PHF20: variants seen among roughly 807,000 people sequenced by gnomAD.
PHF20 encodes the protein PHD finger protein 20.
In PHF20, 23 loss-of-function variants were observed where a neutral mutation model predicts 113.5. The ratio of observed to expected loss-of-function variants is 0.20; its 90% CI spans 0.15 to 0.29. The LOEUF (loss-of-function observed/expected upper bound fraction) is 0.29. Among genes scored for constraint, PHF20 ranks in the 10% least tolerant of loss-of-function variants. PHF20 has a pLI of 1.00. For missense variants in PHF20, 943 were observed against 1,219.6 expected (o/e 0.77, Z 3.38); for synonymous variants, 434 against 457.3 (o/e 0.95, Z 0.65).
chr20:35,775,265 A>T (rs1378516078), intron 1 of PHF20, among the ~76,000 whole-genome samples: 1 of 152,098 alleles, frequency 6.6e-6, no homozygotes, highest in East Asian at 1.9e-4. Context: ...TGCTGATGTT[A>T]CTGAACTACA....
intron 2 of PHF20, among the ~76,000 whole-genome samples, chr20:35,812,015 C>T (rs1393658930): frequency 6.6e-6 from 1 of 151,908 alleles, no homozygotes; most frequent in Non-Finnish European, 1.5e-5. Flanking sequence ...CCTCGTGATC[C>T]ACCCGCCTCA....
chr20:35,779,016 GT>G lies in PHF20; in HGVS notation c.-33+6946del, dbSNP rs201029674. On this transcript the variant is annotated intron_variant, in intron 1 of 17. Coordinates refer to ENST00000374012, the MANE Select transcript of PHF20 (RefSeq NM_016436.5). ...GAGGGGCTTGGGATTTAAACAAAGGGTTTTTTTTTGTTTTGTTTTGTTTTTT... is the reference window on the plus strand; with the variant it reads ...GAGGGGCTTGGGATTTAAACAAAGGGTTTTTTTTGTTTTGTTTTGTTTTTT... Among the ~76,000 whole-genome samples, 207 of 150,576 alleles carry G rather than the reference GT, an allele frequency of 1.4e-3. 2 individuals are homozygous for G. Among genetic ancestry groups the G allele is most frequent in the South Asian group, 3.0e-3 (14 of 4,738 alleles).
intron 1 of PHF20, among the ~76,000 whole-genome samples, chr20:35,799,734 C>A (rs1276110782): frequency 6.6e-6 from 1 of 151,774 alleles, no homozygotes; most frequent in Admixed American, 6.6e-5. Flanking sequence ...GTGGCGTGAT[C>A]TCGGCTCACT....
intron 9 of PHF20, among the ~76,000 whole-genome samples, chr20:35,896,799 CAAAAAAAAAAAA>C (rs34377497): frequency 3.2e-5 from 2 of 62,472 alleles, no homozygotes; most frequent in African/African-American, 5.9e-5. Context: ...GACTCCGTCT[CAAAAAAAAAAAA>C]AAAAAAAAGT....
At chr20:35,881,061 T>TC (rs1568698622) in intron 9 of PHF20, among the ~76,000 whole-genome samples, 13 of 144,032 alleles carry the variant, frequency 9.0e-5, no homozygotes, top group African/African-American at 3.2e-4. Context: ...TTTTTTTTTT[T>TC]TTTTTTTTTC....
chr20:35,790,900 C>T (rs576138859), intron 1 of PHF20, among the ~76,000 whole-genome samples: 1 of 152,174 alleles, frequency 6.6e-6, no homozygotes, highest in East Asian at 1.9e-4. Flanking sequence ...GCTCTGTTGC[C>T]CAGGCTGGAC....
At chr20:35,894,466 G>A (rs1043618582) in intron 9 of PHF20, among the ~76,000 whole-genome samples, 2 of 152,166 alleles carry the variant, frequency 1.3e-5, no homozygotes, top group African/African-American at 4.8e-5. Context: ...GGTAGACCTG[G>A]GATTAAATGT....
At chr20:35,808,637 A>AT (rs1269486706) in intron 2 of PHF20, among the ~76,000 whole-genome samples, 1 of 151,856 alleles carries the variant, frequency 6.6e-6, no homozygotes, top group Non-Finnish European at 1.5e-5. Context: ...GCAGTGGTGC[A>AT]TCTTGGCTCA....
chr20:35,866,207 C>T (rs1437648018), intron 6 of PHF20, among the ~76,000 whole-genome samples: 1 of 151,958 alleles, frequency 6.6e-6, no homozygotes, highest in East Asian at 1.9e-4. Flanking sequence ...GAGACTCCAT[C>T]TCAAAAAAAC....
chr20:35,819,462 T>C (rs1394809412), intron 2 of PHF20, among the ~76,000 whole-genome samples: 1 of 152,188 alleles, frequency 6.6e-6, no homozygotes, highest in Non-Finnish European at 1.5e-5. Context: ...CCTGACACTC[T>C]GGTACCTTTC....
At position 35,931,436 on chromosome 20, in the gene PHF20, C is replaced by T; in HGVS notation, c.2292C>T (p.Ser764=). The T allele has an allele frequency of 6.2e-7, 1 of 1,609,698 alleles. No individual in the cohort carries two copies. Among genetic ancestry groups the T allele is most frequent in the Non-Finnish European group, 8.5e-7 (1 of 1,177,088 alleles). ...TGCATGGCCTGCAGCTCAAGATGAG[C>T]ATCTTGCAGTAAGTGTGGCACCTGC... is the stretch of plus-strand genomic sequence containing the variant. ...EVLHGLQLKM[S]ILQSREHPDL... Residue 764 remains serine, a synonymous_variant, in exon 15 of 18, where the codon AGC becomes AGT. Coordinates refer to ENST00000374012, the MANE Select transcript of PHF20 (RefSeq NM_016436.5).
At chr20:35,773,208 GCTT>G (rs1454003134) in intron 1 of PHF20, among the ~76,000 whole-genome samples, 1 of 152,150 alleles carries the variant, frequency 6.6e-6, no homozygotes, top group Non-Finnish European at 1.5e-5. Context: ...CTTTCCAGAT[GCTT>G]CTTAAATTTG....
At position 35,939,085 on chromosome 20, in the gene PHF20, G is replaced by A. The variant is rs1291183247; in HGVS notation, c.2689G>A (p.Asp897Asn). The change falls in exon 16 of 18, where the codon GAC becomes AAC. Residue 897 changes from aspartate (D) to asparagine (N), a missense_variant. Asp to Asn is a conservative substitution (Grantham distance 23). This residue lies in a region of PHF20 where 349 missense variants were observed against 412.3 expected (regional missense o/e 0.85). Transcript: ENST00000374012. ...CCAAGACAGGAGCAAGGGGGACAGT[G>A]ACCCCAAACCCGGCTCCCCAAAGGT... ...LDQDRSKGDSDPKPGSPKVKE... is the reference protein window; with the variant it reads ...LDQDRSKGDSNPKPGSPKVKE... The A allele has an allele frequency of 2.5e-6, 4 of 1,610,384 alleles. No individual in the cohort carries two copies. Among genetic ancestry groups the A allele is most frequent in the South Asian group, 1.1e-5 (1 of 90,888 alleles).
At chr20:35,804,758 G>A (rs1197051454) in intron 2 of PHF20, among the ~76,000 whole-genome samples, 11 of 152,146 alleles carry the variant, frequency 7.2e-5, no homozygotes, top group Non-Finnish European at 1.3e-4. Context: ...AGTGCTGTGT[G>A]AATGTCTCTT....
intron 2 of PHF20, among the ~76,000 whole-genome samples, chr20:35,836,884 T>C (rs2042451515): frequency 1.3e-5 from 2 of 152,080 alleles, no homozygotes; most frequent in African/African-American, 4.8e-5. Flanking sequence ...AAGTATTTAT[T>C]TTTTGGCTGG....
At chr20:35,810,097 T>A (rs1034300479) in intron 2 of PHF20, among the ~76,000 whole-genome samples, 9 of 152,086 alleles carry the variant, frequency 5.9e-5, no homozygotes, top group Admixed American at 5.9e-4. Context: ...ACCCAGCTAA[T>A]TTTTGTATTT....
At chr20:35,911,285 G>A (rs922396222) in intron 10 of PHF20, among the ~76,000 whole-genome samples, 4 of 152,188 alleles carry the variant, frequency 2.6e-5, no homozygotes, top group South Asian at 2.1e-4. Flanking sequence ...CTCGTGATCC[G>A]CCCGCCTTGG....
At chr20:35,827,113 C>T (rs1171384303) in intron 2 of PHF20, among the ~76,000 whole-genome samples, 1 of 152,116 alleles carries the variant, frequency 6.6e-6, no homozygotes, top group African/African-American at 2.4e-5. Flanking sequence ...GGAATAGAGG[C>T]AAGCTCTGAT....
At chr20:35,808,293 G>C (rs781134614) in intron 2 of PHF20, among the ~76,000 whole-genome samples, 1 of 151,782 alleles carries the variant, frequency 6.6e-6, no homozygotes, top group Non-Finnish European at 1.5e-5. Flanking sequence ...TCATTGACTA[G>C]GATCATAGCA....
Sources: allele counts gnomAD v4.1 joint callset (sites outside exome capture counted in the v4.1 genomes callset), GRCh38; gene constraint gnomAD v4.1.1; regional missense constraint gnomAD v4.1.1; transcripts MANE v1.5; gene names NCBI Gene and HGNC (gene_info 2026-07-23, HGNC 2026-07-21).